The following TDO2 variants were observed in gnomAD, a reference collection of about 807,000 sequenced individuals.
The protein encoded by TDO2 is tryptophan 2,3-dioxygenase.
In TDO2, 63 loss-of-function variants were observed where a neutral mutation model predicts 61.2. That is an observed-to-expected ratio of 1.03 (90% CI 0.84 to 1.27). The LOEUF (loss-of-function observed/expected upper bound fraction) is 1.27. Among genes scored for constraint, TDO2 ranks in the 50% most tolerant of loss-of-function variants. The pLI, the probability that TDO2 is intolerant of heterozygous loss-of-function variation, is 0.00. For synonymous variants in TDO2, 183 were observed against 164.0 expected (o/e 1.12, Z -0.89); for missense variants, 494 against 469.5 (o/e 1.05, Z -0.48).
At chr4:155,911,090 C>T (rs951576187) in intron 6 of TDO2, among the ~76,000 whole-genome samples, 1 of 151,848 alleles carries the variant, frequency 6.6e-6, no homozygotes, top group Admixed American at 6.6e-5. Context: ...TTATACATAT[C>T]GTAATTTCTT....
At chr4:155,912,659 C>A (rs2110876677) in intron 7 of TDO2, among the ~76,000 whole-genome samples, 1 of 149,694 alleles carries the variant, frequency 6.7e-6, no homozygotes, top group South Asian at 2.1e-4. Flanking sequence ...TAGATCCTTT[C>A]TGTTCTATCT....
intron 5 of TDO2, 36 bp from the exon 6 acceptor site, chr4:155,909,989 T>A: frequency 8.7e-7 from 1 of 1,143,004 alleles, no homozygotes. Context: ...TCTCTTTCCC[T>A]TCCCTTGCCT....
Position 155,915,878 on chromosome 4 carries a change from G to A in TDO2, c.862G>A (p.Ala288Thr), listed in dbSNP as rs753424562. ...SKGERRLSYR[A>T]LQGALMIYFY... ...AGGTGAAAGACGGCTGTCATACAGAGCACTTCAGGGAGCATTGATGATATA... is the reference window on the plus strand; with the variant it reads ...AGGTGAAAGACGGCTGTCATACAGAACACTTCAGGGAGCATTGATGATATA... Residue 288 changes from alanine to threonine, a missense_variant, in exon 9 of 12, where the codon GCA becomes ACA. Physicochemically the swap from Ala to Thr is moderately conservative, Grantham distance 58. Coordinates refer to ENST00000536354, the MANE Select transcript of TDO2 (RefSeq NM_005651.4). 3.1e-6 allele frequency: 5 copies of A among 1,611,018 alleles called. No individual in the cohort carries two copies. Among genetic ancestry groups the A allele is most frequent in the Non-Finnish European group, 3.4e-6 (4 of 1,179,082 alleles).
intron 6 of TDO2, among the ~76,000 whole-genome samples, chr4:155,911,057 A>C (rs1354268352): frequency 6.6e-6 from 1 of 152,084 alleles, no homozygotes; most frequent in African/African-American, 2.4e-5. Context: ...TACAGTGCCC[A>C]TGAATTTAGA....
intron 11 of TDO2, among the ~76,000 whole-genome samples, chr4:155,919,441 T>A (rs1387311005): frequency 6.6e-6 from 1 of 152,182 alleles, no homozygotes; most frequent in African/African-American, 2.4e-5. Context: ...TTATTTGGCA[T>A]CTTTTCAGTT....
chr4:155,911,355 T>A, intron 6 of TDO2, 142 bp from the exon 7 acceptor site: 1 of 505,216 alleles, frequency 2.0e-6, no homozygotes, highest in Non-Finnish European at 3.4e-6. Context: ...TGAAGAGAAA[T>A]AAAAAACATT....
chr4:155,913,038 A>G (rs965757186), intron 7 of TDO2, among the ~76,000 whole-genome samples: 1 of 152,000 alleles, frequency 6.6e-6, no homozygotes, highest in Non-Finnish European at 1.5e-5. Flanking sequence ...TTAGCTCTCA[A>G]ATATCATCCT....
chr4:155,918,274 A>G (rs1742980157), intron 11 of TDO2, 35 bp downstream of exon 11: 1 of 1,599,916 alleles, frequency 6.3e-7, no homozygotes, highest in East Asian at 2.2e-5. Flanking sequence ...TCCTGGTGGC[A>G]GTCACCAACA....
At chr4:155,917,674 T>C (rs1020651642) in intron 10 of TDO2, among the ~76,000 whole-genome samples, 200 bp downstream of exon 10, 1 of 152,148 alleles carries the variant, frequency 6.6e-6, no homozygotes. Flanking sequence ...GCACAGTACC[T>C]AAGGCCCACA....
At chr4:155,915,335 A>G (rs569986379) in intron 8 of TDO2, among the ~76,000 whole-genome samples, 48 of 152,280 alleles carry the variant, frequency 3.2e-4, no homozygotes, top group African/African-American at 1.0e-3. Flanking sequence ...CTGTTTTCTA[A>G]AAAAAACAAA....
intron 3 of TDO2, 21 bp downstream of exon 3, chr4:155,905,178 G>T (rs1258248457): frequency 3.3e-6 from 5 of 1,521,426 alleles, no homozygotes; most frequent in Non-Finnish European, 4.5e-6. Context: ...CAAAGGTTTT[G>T]GACAATATTC....
chr4:155,918,364 T>TGTTA, intron 11 of TDO2, 125 bp downstream of exon 11: 1 of 732,208 alleles, frequency 1.4e-6, no homozygotes, highest in Non-Finnish European at 2.3e-6. Flanking sequence ...ACAACACGTT[T>TGTTA]GTAGTTAGAA....
Position 155,915,886 on chromosome 4 carries a change from G to A in TDO2, c.870G>A (p.Gln290=). ...GERRLSYRAL[Q]GALMIYFYRE... is the part of the protein sequence containing the mutation. The stretch of plus-strand genomic sequence containing the variant: ...GACGGCTGTCATACAGAGCACTTCA[G>A]GGAGCATTGATGATATATTTTTACA... Residue 290 remains glutamine (Q), a synonymous_variant, in exon 9 of 12, where the codon CAG becomes CAA. Coordinates refer to ENST00000536354, the MANE Select transcript of TDO2 (RefSeq NM_005651.4). 6.2e-7 allele frequency: 1 copy of A among 1,610,932 alleles called. No homozygotes were observed. Among genetic ancestry groups the A allele is most frequent in the African/African-American group, 1.3e-5 (1 of 74,832 alleles).
intron 9 of TDO2, 89 bp from the exon 10 acceptor site, chr4:155,917,306 C>A: frequency 9.2e-7 from 1 of 1,084,902 alleles, no homozygotes; most frequent in East Asian, 2.6e-5. Flanking sequence ...CATTTGTTTC[C>A]AGGGCCAACT....
Position 155,918,156 on chromosome 4 carries a change from T to C in TDO2, c.984T>C (p.His328=), listed in dbSNP as rs1312377783. 1 of 1,613,794 alleles carries C rather than the reference T, an allele frequency of 6.2e-7. No individual in the cohort carries two copies. The change falls in exon 11 of 12, where the codon CAT becomes CAC. Residue 328 remains histidine, a synonymous_variant. Transcript: ENST00000536354. ...DSLMTKWRYN[H]VCMVHRMLGS... ...ATTTGTATGTTTGCCTAGATAACCA[T>C]GTGTGCATGGTGCACAGAATGCTGG...
chr4:155,917,246 G>T (rs1742957185), intron 9 of TDO2, 149 bp from the exon 10 acceptor site: 2 of 586,384 alleles, frequency 3.4e-6, no homozygotes, highest in Non-Finnish European at 5.9e-6. Flanking sequence ...GAGAAACTGA[G>T]ACTGAGAGAA....
chr4:155,913,910 G>A (rs1455476008), intron 7 of TDO2, among the ~76,000 whole-genome samples: 1 of 152,012 alleles, frequency 6.6e-6, no homozygotes, highest in African/African-American at 2.4e-5. Flanking sequence ...ACTGAATATA[G>A]AACATAGAAT....
At chr4:155,907,838 G>T (rs769888995) in intron 4 of TDO2, 46 bp downstream of exon 4, 1 of 1,438,786 alleles carries the variant, frequency 7.0e-7, no homozygotes, top group South Asian at 1.2e-5. Context: ...ATTTTTGGAA[G>T]ATATGGAAAG....
In TDO2 at chr4:155,914,394, C is replaced by T; in HGVS notation, c.798C>T (p.Ser266=). Residue 266 remains serine, a synonymous_variant, in exon 8 of 12, where the codon TCC becomes TCT. Transcript: ENST00000536354. ...AGAAGCAAAAAGAGGTGCTACTGTC[C>T]TTATTTGATGAGAAACGTCATGAAC... is the stretch of plus-strand genomic sequence containing the variant. The part of the protein sequence containing the change: ...EFQKQKEVLL[S]LFDEKRHEHL... 1.2e-6 allele frequency: 2 copies of T among 1,602,756 alleles called. No homozygotes were observed. Among genetic ancestry groups the T allele is most frequent in the Non-Finnish European group, 1.7e-6 (2 of 1,177,172 alleles).
Sources: gnomAD v4.1 joint callset for allele counts (sites outside exome capture counted in the v4.1 genomes callset) on GRCh38, gnomAD v4.1.1 for gene constraint, MANE v1.5 for transcripts, NCBI Gene and HGNC (gene_info 2026-07-23, HGNC 2026-07-21) for gene names.